WDR93: variants seen among roughly 807,000 people sequenced by gnomAD.
WDR93 encodes the protein WD repeat domain 93, also known as WD repeat-containing protein 93.
Under a neutral mutation model 82.9 loss-of-function variants are expected in WDR93, and 73 were observed. The ratio of observed to expected loss-of-function variants is 0.88; its 90% CI spans 0.73 to 1.07. The LOEUF is 1.07. Among genes scored for constraint, WDR93 ranks in the 50% least tolerant of loss-of-function variants. The pLI is 0.00. For synonymous variants in WDR93, 283 were observed against 300.1 expected (o/e 0.94, Z 0.59); for missense variants, 738 against 826.0 (o/e 0.89, Z 1.31).
chr15:89,712,324 T>C (rs11633980), intron 5 of WDR93, among the ~76,000 whole-genome samples: 52,114 of 150,924 alleles, frequency 0.35, 9,340 homozygotes, highest in South Asian at 0.39. Flanking sequence ...GCAAATGACA[T>C]TGGTACAGTA....
chr15:89,732,273 G>A (rs1966868654), intron 12 of WDR93, among the ~76,000 whole-genome samples: 1 of 152,202 alleles, frequency 6.6e-6, no homozygotes, highest in African/African-American at 2.4e-5. Flanking sequence ...GGCAGGTGCA[G>A]AGCATCAGAG....
intron 16 of WDR93, among the ~76,000 whole-genome samples, chr15:89,739,590 G>C (rs1054498285): frequency 9.2e-5 from 14 of 152,126 alleles, no homozygotes; most frequent in African/African-American, 2.9e-4. Context: ...AATTTCTGGG[G>C]ATTTGCAAAT....
intron 7 of WDR93, among the ~76,000 whole-genome samples, chr15:89,720,953 C>T (rs999974564): frequency 2.5e-5 from 3 of 121,538 alleles, no homozygotes; most frequent in Non-Finnish European, 5.6e-5. Context: ...TCTTTTTCTT[C>T]TTTCACTCTT....
At chr15:89,715,618 C>T (rs1339808727) in intron 6 of WDR93, among the ~76,000 whole-genome samples, 1 of 152,072 alleles carries the variant, frequency 6.6e-6, no homozygotes, top group African/African-American at 2.4e-5. Context: ...GAGTCTCGCT[C>T]TGTTGCCCAG....
intron 4 of WDR93, 100 bp from the exon 5 acceptor site, chr15:89,711,925 TA>T: frequency 1.3e-6 from 1 of 781,354 alleles, no homozygotes; most frequent in Non-Finnish European, 2.0e-6. Context: ...TCCCAAGGTT[TA>T]AAAGGATCTC....
chr15:89,742,935 G>A (rs558863003), intron 16 of WDR93, among the ~76,000 whole-genome samples: 2 of 152,204 alleles, frequency 1.3e-5, no homozygotes, highest in South Asian at 2.1e-4. Context: ...TCAGCGTAAT[G>A]TCCTCAATAG....
At chr15:89,713,382 T>G (rs1413455178) in intron 5 of WDR93, among the ~76,000 whole-genome samples, 2 of 152,196 alleles carry the variant, frequency 1.3e-5, no homozygotes, top group Non-Finnish European at 2.9e-5. Flanking sequence ...TTTTTAACCT[T>G]TAAATATTTA....
At position 89,702,057 on chromosome 15, in the gene WDR93, G is replaced by GT. The variant is rs754372291; in HGVS notation, c.303+9dup. 8.0e-5 allele frequency: 128 copies of GT among 1,595,754 alleles called. 1 individual carries two copies. The East Asian group carries it at 2.2e-3, about 27-fold the overall frequency. ...CCACTTGGAGAAATCCAGGTATGGA[G>GT]TAAGCAGTTGACCAGGAGCCCCTGT... On this transcript the variant is annotated intron_variant, in intron 2 of 16. Transcript: ENST00000268130.
At chr15:89,691,170 T>G (rs1007445858) in intron 1 of WDR93, among the ~76,000 whole-genome samples, 1 of 152,086 alleles carries the variant, frequency 6.6e-6, no homozygotes, top group Admixed American at 6.5e-5. Flanking sequence ...AGTGGTTAGG[T>G]CAGAGATAAG....
At chr15:89,725,963 T>C (rs565480451) in intron 8 of WDR93, among the ~76,000 whole-genome samples, 10 of 152,308 alleles carry the variant, frequency 6.6e-5, no homozygotes, top group African/African-American at 1.9e-4. Context: ...TTTCAGAATG[T>C]ATGTTACACT....
At chr15:89,712,620 G>A (rs761282894) in intron 5 of WDR93, among the ~76,000 whole-genome samples, 2 of 151,914 alleles carry the variant, frequency 1.3e-5, no homozygotes, top group Non-Finnish European at 2.9e-5. Flanking sequence ...GGATTTGGGG[G>A]AAGATACAAC....
chr15:89,703,373 T>G (rs896815579), intron 3 of WDR93: 2 of 562,566 alleles, frequency 3.6e-6, no homozygotes, highest in Non-Finnish European at 6.3e-6. Flanking sequence ...GTAAAATTTT[T>G]TATTCCTGTT....
At chr15:89,738,262 C>G (rs1288710922) in intron 16 of WDR93, 26 bp downstream of exon 16, 1 of 1,554,216 alleles carries the variant, frequency 6.4e-7, no homozygotes, top group Non-Finnish European at 8.7e-7. Context: ...TCTTCACCCC[C>G]TCCCACATCT....
chr15:89,734,407 G>T (rs1966993113), intron 13 of WDR93, among the ~76,000 whole-genome samples: 2 of 152,082 alleles, frequency 1.3e-5, no homozygotes, highest in East Asian at 1.9e-4. Flanking sequence ...TTTCCTCATG[G>T]TCTCTCCTGC....
intron 8 of WDR93, among the ~76,000 whole-genome samples, chr15:89,726,713 A>G (rs1966751084): frequency 6.6e-6 from 1 of 152,248 alleles, no homozygotes; most frequent in African/African-American, 2.4e-5. Context: ...ATGTTGGCAT[A>G]AGAAGAGACT....
In WDR93 at chr15:89,702,022, C is replaced by T. The variant is rs4316730; in HGVS notation, c.276C>T (p.Thr92=). The T allele has an allele frequency of 0.44, 710,768 of 1,610,444 alleles. 159,872 individuals carry two copies. Among genetic ancestry groups the T allele is most frequent in the African/African-American group, 0.51 (38,317 of 74,868 alleles). Residue 92 remains threonine (T), a synonymous_variant, in exon 2 of 17, where the codon ACC becomes ACT. Coordinates refer to ENST00000268130, the MANE Select transcript of WDR93 (RefSeq NM_020212.2). ...CTGAGAGCAGCCAGATCCAGCCCAC[C>T]GTCTACCCTCCACTTGGAGAAATCC... The part of the protein sequence containing the change: ...REAESSQIQP[T]VYPPLGEIQL...
intron 11 of WDR93, among the ~76,000 whole-genome samples, chr15:89,730,460 C>A (rs1489733240): frequency 6.6e-6 from 1 of 152,138 alleles, no homozygotes; most frequent in African/African-American, 2.4e-5. Context: ...ACTTTTCATG[C>A]AGAACATAGA....
chr15:89,721,064 T>C (rs776851232), intron 7 of WDR93: 5 of 152,260 alleles, frequency 3.3e-5, no homozygotes, highest in Non-Finnish European at 7.3e-5. Flanking sequence ...CATTATTCAC[T>C]GACCCTTTGA....
chr15:89,713,074 G>GATC (rs982390327), intron 5 of WDR93, among the ~76,000 whole-genome samples: 3 of 145,758 alleles, frequency 2.1e-5, no homozygotes, highest in Non-Finnish European at 4.5e-5. Flanking sequence ...AGTGAGCCGA[G>GATC]ATCGTGCCAT....
Sources: gnomAD v4.1 joint callset for allele counts (sites outside exome capture counted in the v4.1 genomes callset) on GRCh38, gnomAD v4.1.1 for gene constraint, MANE v1.5 for transcripts, NCBI Gene and HGNC (gene_info 2026-07-23, HGNC 2026-07-21) for gene names.